LRFN2: variants seen among roughly 807,000 people sequenced by gnomAD.
The protein encoded by LRFN2 is leucine-rich repeat and fibronectin type-III domain-containing protein 2.
In LRFN2, 18 loss-of-function variants were observed where a neutral mutation model predicts 37.3. The ratio of observed to expected loss-of-function variants is 0.48; its 90% confidence interval spans 0.33 to 0.72. The LOEUF (loss-of-function observed/expected upper bound fraction) is 0.72. LRFN2 is among the 30% of genes least tolerant of loss of function. The pLI is 0.02. For synonymous variants in LRFN2, 556 were observed against 466.6 expected (o/e 1.19, Z -2.47); for missense variants, 1,006 against 1,060.7 (o/e 0.95, Z 0.72).
intron 1 of LRFN2, among the ~76,000 whole-genome samples, chr6:40,460,270 AG>A (rs1764320224): frequency 6.6e-6 from 1 of 152,164 alleles, no homozygotes. Flanking sequence ...ATCAGTCACC[AG>A]GGTTCTGGCC....
intron 1 of LRFN2, among the ~76,000 whole-genome samples, chr6:40,533,317 C>G (rs1311432060): frequency 1.3e-5 from 2 of 150,910 alleles, no homozygotes; most frequent in Non-Finnish European, 2.9e-5. Flanking sequence ...AAATCTGTTC[C>G]CTGCTCTAAA....
Position 40,497,860 on chromosome 6 carries a change from C to A in LRFN2, c.-18-64729G>T, listed in dbSNP as rs141641728. Among the ~76,000 whole-genome samples the A allele has an allele frequency of 5.8e-4, 89 of 152,314 alleles. 1 individual carries two copies. Among genetic ancestry groups the A allele is most frequent in the African/African-American group, 2.1e-3 (89 of 41,562 alleles). On this transcript the variant is annotated intron_variant, in intron 1 of 2. Transcript: ENST00000338305. ...AAGATCAGGACATCAACAGCTGGCA[C>A]ACAGGGGATTCTTAGAAGGCTAGAA...
At chr6:40,559,873 A>T (rs1581794805) in intron 1 of LRFN2, among the ~76,000 whole-genome samples, 1 of 151,940 alleles carries the variant, frequency 6.6e-6, no homozygotes, top group African/African-American at 2.4e-5. Context: ...TCCAAGTCCC[A>T]CTCATGTGGG....
chr6:40,495,281 C>A (rs1198813123), intron 1 of LRFN2, among the ~76,000 whole-genome samples: 2 of 152,206 alleles, frequency 1.3e-5, no homozygotes, highest in Non-Finnish European at 2.9e-5. Flanking sequence ...TACCAGCTGA[C>A]CTGCATTTTC....
intron 1 of LRFN2, chr6:40,524,067 T>G (rs1345169744): frequency 6.6e-6 from 1 of 152,194 alleles, no homozygotes; most frequent in African/African-American, 2.4e-5. Flanking sequence ...AAATTAAATG[T>G]GGTTTTCCTC....
At position 40,433,133 on chromosome 6, in the gene LRFN2, T is replaced by C; in HGVS notation, c.-18-2A>G. ...CTCCATGGTCTGGTCACTCAGCGCC[T>C]GGAAGGGAGAAACACAAGCTCAGGG... On this transcript the variant is annotated splice_acceptor_variant, in intron 1 of 2. Transcript: ENST00000338305. LOFTEE classifies it low-confidence loss of function (5UTR_SPLICE). 6.6e-7 allele frequency: 1 copy of C among 1,514,862 alleles called. No individual in the cohort carries two copies. 93.8% of individuals were successfully genotyped at this position (1,514,862 alleles called of 1,614,324 possible).
intron 1 of LRFN2, among the ~76,000 whole-genome samples, chr6:40,486,502 G>T (rs1764962045): frequency 6.6e-6 from 1 of 152,130 alleles, no homozygotes; most frequent in Non-Finnish European, 1.5e-5. Flanking sequence ...GGGCTTGGGG[G>T]GATGGCAGGA....
intron 1 of LRFN2, among the ~76,000 whole-genome samples, chr6:40,506,000 CA>C (rs1040785401): frequency 4.6e-5 from 7 of 152,362 alleles, no homozygotes; most frequent in African/African-American, 1.7e-4. Context: ...CAGGATCCTG[CA>C]GGCTGGGCCT....
At chr6:40,406,338 A>G (rs1284594003) in intron 2 of LRFN2, among the ~76,000 whole-genome samples, 2 of 152,224 alleles carry the variant, frequency 1.3e-5, no homozygotes, top group African/African-American at 2.4e-5. Context: ...ATACTGGCTC[A>G]TGGATCAGGT....
At chr6:40,544,679 C>T (rs1766622629) in intron 1 of LRFN2, among the ~76,000 whole-genome samples, 1 of 152,222 alleles carries the variant, frequency 6.6e-6, no homozygotes, top group Non-Finnish European at 1.5e-5. Flanking sequence ...TCAGCAGCAA[C>T]CACCTCCCCG....
intron 1 of LRFN2, among the ~76,000 whole-genome samples, chr6:40,545,022 C>G (rs1108294): frequency 0.45 from 68,672 of 151,998 alleles, 16,538 homozygotes; most frequent in African/African-American, 0.62. Context: ...TTACTAGTGG[C>G]TGACCCAGGG....
At chr6:40,508,176 G>C (rs1353234782) in intron 1 of LRFN2, among the ~76,000 whole-genome samples, 3 of 152,168 alleles carry the variant, frequency 2.0e-5, no homozygotes, top group Non-Finnish European at 4.4e-5. Context: ...TTTTTGCAAA[G>C]TGCTGGACAC....
chr6:40,442,155 A>C (rs958466710), intron 1 of LRFN2, among the ~76,000 whole-genome samples: 5 of 152,110 alleles, frequency 3.3e-5, no homozygotes, highest in Non-Finnish European at 7.4e-5. Flanking sequence ...CCTAGTACCC[A>C]TCCAGGAGCA....
chr6:40,432,171 C>A lies in LRFN2; in HGVS notation c.943G>T (p.Asp315Tyr). 1 of 1,613,808 alleles carries A rather than the reference C, an allele frequency of 6.2e-7. No homozygotes were observed. Among genetic ancestry groups the A allele is most frequent in the Non-Finnish European group, 8.5e-7 (1 of 1,180,028 alleles). Residue 315 changes from aspartate (D) to tyrosine (Y), a missense_variant, in exon 2 of 3, where the codon GAC becomes TAC. Physicochemically the swap from Asp to Tyr is radical, Grantham distance 160 (BLOSUM62 -3). Coordinates refer to ENST00000338305, the MANE Select transcript of LRFN2 (RefSeq NM_020737.3). ...AATLKCKAIG[D>Y]PSPLIHWVAP... ...ACCCAGTGGATAAGGGGGCTGGGGT[C>A]CCCAATGGCTTTGCACTTGAGTGTG...
chr6:40,392,439 C>T lies in LRFN2; in HGVS notation c.1874G>A (p.Ser625Asn). 1 of 1,567,178 alleles carries T rather than the reference C, an allele frequency of 6.4e-7. No homozygotes were observed. The highest frequency in any genetic ancestry group is 8.7e-7 in the Non-Finnish European group (1 of 1,155,952). Residue 625 changes from serine (S) to asparagine (N), a missense_variant, in exon 3 of 3, where the codon AGC becomes AAC. Ser to Asn is a conservative substitution (Grantham distance 46). Coordinates refer to ENST00000338305, the MANE Select transcript of LRFN2 (RefSeq NM_020737.3). The surrounding 1 kb of genome is among the most constrained non-coding windows in gnomAD (Gnocchi z 4.7). ...CGCAGCCTCCCCACTGCCCAGGGAG[C>T]TGGAGGAAGAGGAGTCACTGGCGCG... ...LARASDSSSSSSLGSGEAAGL... is the reference protein window; with the variant it reads ...LARASDSSSSNSLGSGEAAGL...
chr6:40,529,438 T>A (rs1766310015), intron 1 of LRFN2, among the ~76,000 whole-genome samples: 1 of 152,234 alleles, frequency 6.6e-6, no homozygotes, highest in African/African-American at 2.4e-5. Context: ...CTATCCACAC[T>A]GTTTCCTGCA....
In LRFN2 at chr6:40,392,173, A is replaced by G. The variant is rs1298407354; in HGVS notation, c.2140T>C (p.Leu714=). ...ARARSLLPLP[L]EGKAKRSHSF... ...TGGCTGCGTTTGGCCTTGCCCTCCA[A>G]CGGCAAGGGGAGCAGGCTCCTGGCC... Residue 714 remains leucine (L), a synonymous_variant, in exon 3 of 3, where the codon TTG becomes CTG. Coordinates refer to ENST00000338305, the MANE Select transcript of LRFN2 (RefSeq NM_020737.3). The surrounding 1 kb of genome is among the most constrained non-coding windows in gnomAD (Gnocchi z 4.7). 6.3e-7 allele frequency: 1 copy of G among 1,598,840 alleles called. No individual in the cohort carries two copies.
At chr6:40,509,370 G>A (rs1285371472) in intron 1 of LRFN2, among the ~76,000 whole-genome samples, 1 of 152,250 alleles carries the variant, frequency 6.6e-6, no homozygotes, top group African/African-American at 2.4e-5. Context: ...GAGATGTCGG[G>A]CAATTTTTCC....
At chr6:40,480,802 G>A (rs2113863358) in intron 1 of LRFN2, among the ~76,000 whole-genome samples, 1 of 152,302 alleles carries the variant, frequency 6.6e-6, no homozygotes, top group East Asian at 1.9e-4. Flanking sequence ...TGTCGCATAT[G>A]GGGCCAGGTG....
Sources: gnomAD v4.1 joint callset for allele counts (sites outside exome capture counted in the v4.1 genomes callset) on GRCh38, gnomAD v4.1.1 for gene constraint, Gnocchi (gnomAD v3.1) non-coding constraint, MANE v1.5 for transcripts, NCBI Gene and HGNC (gene_info 2026-07-23, HGNC 2026-07-21) for gene names.